RAPGEF4: variants seen among roughly 807,000 people sequenced by gnomAD.
RAPGEF4 encodes RAP guanine-nucleotide-exchange factor (GEF) 4.
A neutral mutation model predicts 147.9 loss-of-function variants in RAPGEF4; 66 were observed. That is an observed-to-expected ratio of 0.45 (90% CI 0.37 to 0.55). The LOEUF is 0.55. Ranked by LOEUF, RAPGEF4 falls within the 20% of genes least tolerant of loss-of-function variation. The probability of loss-of-function intolerance (pLI) is 0.00; values close to 1 mark genes in which losing one functional copy is unlikely to be tolerated. For synonymous variants in RAPGEF4, 419 were observed against 442.7 expected, an observed-to-expected ratio of 0.95 and a Z score of 0.67; for missense variants, 1,071 against 1,257.3, an observed-to-expected ratio of 0.85 and a Z score of 2.24.
At chr2:172,975,383 G>A (rs1328475491) in intron 10 of RAPGEF4, among the ~76,000 whole-genome samples, 1 of 152,130 alleles carries the variant, frequency 6.6e-6, no homozygotes, top group Non-Finnish European at 1.5e-5. Flanking sequence ...CCACTAAAAA[G>A]CTCTGTGAAT....
intron 4 of RAPGEF4, among the ~76,000 whole-genome samples, chr2:172,898,219 G>A (rs993478073): frequency 1.3e-5 from 2 of 152,196 alleles, no homozygotes; most frequent in Non-Finnish European, 1.5e-5. Context: ...AAGGGAGGTA[G>A]AGATCATGGT....
At position 172,893,449 on chromosome 2, in the gene RAPGEF4, C is replaced by G. The variant is rs548690382; in HGVS notation, c.445-24353C>G. Among the ~76,000 whole-genome samples, 9 of 152,322 alleles carry G rather than the reference C, an allele frequency of 5.9e-5. No homozygotes were observed. The South Asian group carries it at 1.9e-3, about 32-fold the overall frequency. ...TCATGGGCACAGTAACAACCCCATTCCCCGTAAAGTTTGCACTTTATAAAG... is the reference window on the plus strand; with the variant it reads ...TCATGGGCACAGTAACAACCCCATTGCCCGTAAAGTTTGCACTTTATAAAG... On this transcript the variant is annotated intron_variant, in intron 4 of 30. Coordinates refer to ENST00000397081, the MANE Select transcript of RAPGEF4 (RefSeq NM_007023.4).
At position 172,932,524 on chromosome 2, in the gene RAPGEF4, A is replaced by G. The variant is rs146594732; in HGVS notation, c.537+10224A>G. ...ATGAACAAGCTTTTTAATAGTTACA[A>G]TGTTATATTATTTCCTTTTGTTGTT... On this transcript the variant is annotated intron_variant, in intron 6 of 30. Coordinates refer to ENST00000397081, the MANE Select transcript of RAPGEF4 (RefSeq NM_007023.4). 4.4e-3 allele frequency among the ~76,000 whole-genome samples: 673 copies of G among 151,524 alleles called. 4 individuals carry two copies. The highest frequency in any genetic ancestry group is 7.3e-3 in the Non-Finnish European group (498 of 68,022).
At chr2:172,762,212 C>T (rs1323485398) in intron 1 of RAPGEF4, among the ~76,000 whole-genome samples, 1 of 152,226 alleles carries the variant, frequency 6.6e-6, no homozygotes, top group African/African-American at 2.4e-5. Context: ...AAATTACCCA[C>T]TTGGTATACA....
At position 172,988,617 on chromosome 2, in the gene RAPGEF4, G is replaced by A. The variant is rs1692509533; in HGVS notation, c.1228-76G>A. 24 of 1,471,804 alleles carry A rather than the reference G, an allele frequency of 1.6e-5. No individual in the cohort carries two copies. In the East Asian group the frequency reaches 3.9e-4, roughly 24 times the overall value. The allele number at this position is 1,471,804 out of a possible 1,614,324, so 91.2% of individuals were successfully genotyped here. On this transcript the variant is annotated intron_variant, in intron 13 of 30. Transcript: ENST00000397081. ...ATCTACAATGTTTTAGGGGCTTGGG[G>A]GTCTTGTGGCAGGAGGTGGTGGGTG...
chr2:172,963,565 G>T, intron 8 of RAPGEF4, among the ~76,000 whole-genome samples: 1 of 152,104 alleles, frequency 6.6e-6, no homozygotes. Flanking sequence ...TCTCTTTTGT[G>T]CTCCATTGTA....
At chr2:173,019,624 A>G (rs1292597068) in intron 22 of RAPGEF4, among the ~76,000 whole-genome samples, 5 of 152,192 alleles carry the variant, frequency 3.3e-5, no homozygotes, top group African/African-American at 9.6e-5. Flanking sequence ...TTTTAAGGTG[A>G]ATGATTCCAC....
At chr2:172,756,084 A>G (rs760554773) in intron 1 of RAPGEF4, among the ~76,000 whole-genome samples, 2 of 152,252 alleles carry the variant, frequency 1.3e-5, no homozygotes, top group African/African-American at 2.4e-5. Context: ...ATCTTAGGAT[A>G]TGATAGTTCC....
At chr2:172,739,328 CTT>C (rs551112130) in intron 1 of RAPGEF4, among the ~76,000 whole-genome samples, 5 of 143,800 alleles carry the variant, frequency 3.5e-5, no homozygotes, top group Admixed American at 6.9e-5. Flanking sequence ...AATGTCCTTT[CTT>C]TTTTTTTTTT....
At chr2:172,781,668 A>G (rs1287161374) in intron 1 of RAPGEF4, among the ~76,000 whole-genome samples, 1 of 152,146 alleles carries the variant, frequency 6.6e-6, no homozygotes, top group Admixed American at 6.5e-5. Context: ...CCCCGCTTGG[A>G]TACCAAAATC....
At chr2:173,025,161 A>T (rs911738096) in intron 23 of RAPGEF4, among the ~76,000 whole-genome samples, 5 of 152,232 alleles carry the variant, frequency 3.3e-5, no homozygotes, top group African/African-American at 1.2e-4. Flanking sequence ...CCTGCAAATA[A>T]GGACCAGCAG....
chr2:172,812,004 T>A (rs1363827173), intron 3 of RAPGEF4, among the ~76,000 whole-genome samples: 1 of 152,204 alleles, frequency 6.6e-6, no homozygotes, highest in East Asian at 1.9e-4. Context: ...TGCCCAATTA[T>A]CCCAATGCCC....
intron 26 of RAPGEF4, among the ~76,000 whole-genome samples, chr2:173,031,815 T>C (rs910628941): frequency 6.6e-6 from 1 of 152,202 alleles, no homozygotes; most frequent in Admixed American, 6.5e-5. Context: ...TCATCATTTA[T>C]AAGCCTTTGT....
At chr2:172,934,743 TAAA>T (rs11361687) in intron 6 of RAPGEF4, among the ~76,000 whole-genome samples, 20 of 145,926 alleles carry the variant, frequency 1.4e-4, no homozygotes, top group Non-Finnish European at 1.8e-4. Flanking sequence ...ATGGTTGCAG[TAAA>T]AAAAAAAAAA....
intron 10 of RAPGEF4, among the ~76,000 whole-genome samples, chr2:172,972,256 A>G (rs1162657405): frequency 2.6e-5 from 4 of 152,148 alleles, no homozygotes; most frequent in Non-Finnish European, 5.9e-5. Context: ...GCCTGTTTTA[A>G]TAGGATCTTT....
chr2:172,847,690 C>G (rs1010451579), intron 4 of RAPGEF4, among the ~76,000 whole-genome samples: 1 of 152,158 alleles, frequency 6.6e-6, no homozygotes, highest in Non-Finnish European at 1.5e-5. Flanking sequence ...TAATCAGAGT[C>G]CCATTACCTT....
chr2:172,993,547 T>C (rs772518191), intron 15 of RAPGEF4, among the ~76,000 whole-genome samples: 7 of 152,220 alleles, frequency 4.6e-5, no homozygotes, highest in Admixed American at 1.3e-4. Flanking sequence ...AGTTTGCTTT[T>C]AACTTGGACT....
At chr2:172,949,306 T>C (rs530958720) in intron 6 of RAPGEF4, among the ~76,000 whole-genome samples, 1 of 152,296 alleles carries the variant, frequency 6.6e-6, no homozygotes, top group South Asian at 2.1e-4. Context: ...AAGGACTTCA[T>C]GTAGTACTTG....
intron 6 of RAPGEF4, among the ~76,000 whole-genome samples, chr2:172,925,461 A>G (rs1685189577): frequency 6.6e-6 from 1 of 152,176 alleles, no homozygotes; most frequent in Non-Finnish European, 1.5e-5. Context: ...TTTGTCTACT[A>G]TTTATTATAA....
Sources: gnomAD v4.1 joint callset for allele counts (sites outside exome capture counted in the v4.1 genomes callset) on GRCh38, gnomAD v4.1.1 for gene constraint, MANE v1.5 for transcripts, NCBI Gene and HGNC (gene_info 2026-07-23, HGNC 2026-07-21) for gene names.